Variants in C12orf54 observed in about 807,000 individuals in gnomAD.
C12orf54 encodes the protein uncharacterized protein C12orf54.
In C12orf54, 24 loss-of-function variants were observed where a neutral mutation model predicts 26.4. The observed-to-expected ratio is 0.91, with a 90% CI of 0.66 to 1.28. The LOEUF (loss-of-function observed/expected upper bound fraction) is 1.28, where lower values mean the gene tolerates loss of function less well. C12orf54 is among the 50% of genes most tolerant of loss of function. The probability of loss-of-function intolerance (pLI) is 0.00; values close to 1 mark genes in which losing one functional copy is unlikely to be tolerated. For missense variants in C12orf54, 154 were observed against 150.9 expected (o/e 1.02, Z -0.11); for synonymous variants, 54 against 47.0 (o/e 1.15, Z -0.61).
chr12:48,439,381 AGTC>A, the C12orf54 span, among the ~76,000 whole-genome samples: 2 of 152,206 alleles, frequency 1.3e-5, no homozygotes, highest in Non-Finnish European at 2.9e-5. Context: ...CATTTGACCC[AGTC>A]ATCTCATTAC....
the C12orf54 span, among the ~76,000 whole-genome samples, chr12:48,472,426 G>A: frequency 6.6e-6 from 1 of 152,190 alleles, no homozygotes; most frequent in Non-Finnish European, 1.5e-5. Flanking sequence ...ACATCTATCT[G>A]ATGTAAAATA....
chr12:48,451,739 A>G, the C12orf54 span, among the ~76,000 whole-genome samples: 6 of 152,194 alleles, frequency 3.9e-5, no homozygotes, highest in Non-Finnish European at 8.8e-5. Flanking sequence ...TCCCATTCAC[A>G]ATTGCCATAA....
At chr12:48,457,948 C>T in the C12orf54 span, among the ~76,000 whole-genome samples, 2 of 152,148 alleles carry the variant, frequency 1.3e-5, no homozygotes, top group Non-Finnish European at 2.9e-5. Context: ...GCTTCTCCCT[C>T]CTCTGACAGA....
At chr12:48,477,926 C>A (rs1168424389), upstream of C12orf54, among the ~76,000 whole-genome samples, 1 of 152,180 alleles carries the variant, frequency 6.6e-6, no homozygotes, top group Non-Finnish European at 1.5e-5. Context: ...ATACCAAAGC[C>A]TGGCAGAGAC....
the C12orf54 span, among the ~76,000 whole-genome samples, chr12:48,431,277 C>T: frequency 6.6e-6 from 1 of 151,866 alleles, no homozygotes; most frequent in African/African-American, 2.4e-5. Context: ...CCACCTGTAC[C>T]CTCAATAACC....
upstream of C12orf54, among the ~76,000 whole-genome samples, chr12:48,479,368 G>A (rs940609283): frequency 9.2e-5 from 14 of 152,116 alleles, no homozygotes; most frequent in Non-Finnish European, 1.6e-4. Context: ...GCTGTGTGGT[G>A]GCGGGAGTGG....
chr12:48,470,283 G>A, the C12orf54 span, among the ~76,000 whole-genome samples: 3 of 152,206 alleles, frequency 2.0e-5, no homozygotes, highest in Admixed American at 1.3e-4. Flanking sequence ...GCTTTCCACA[G>A]TGGCTGAACT....
the C12orf54 span, among the ~76,000 whole-genome samples, chr12:48,462,262 C>T: frequency 2.3e-4 from 35 of 151,484 alleles, 1 homozygote; most frequent in Admixed American, 1.2e-3. Flanking sequence ...TAGTTAAAAC[C>T]TTTCTATAAA....
the C12orf54 span, among the ~76,000 whole-genome samples, chr12:48,436,758 G>A: frequency 2.5e-4 from 38 of 152,318 alleles, no homozygotes; most frequent in Non-Finnish European, 4.1e-4. Flanking sequence ...TCAAAACAGT[G>A]TGTAGAGGGA....
At chr12:48,484,258 C>A (rs549805349) in intron 2 of C12orf54, among the ~76,000 whole-genome samples, 1 of 152,298 alleles carries the variant, frequency 6.6e-6, no homozygotes, top group African/African-American at 2.4e-5. Flanking sequence ...CCTGAAAGTG[C>A]TCAGAATGGT....
At chr12:48,422,370 C>A in the C12orf54 span, among the ~76,000 whole-genome samples, 1 of 152,208 alleles carries the variant, frequency 6.6e-6, no homozygotes. Flanking sequence ...TGCTTAAGAA[C>A]CATTTCTTTC....
chr12:48,486,054 C>T lies in C12orf54; in HGVS notation c.66-124C>T. On this transcript the variant is annotated intron_variant, in intron 2 of 8. Coordinates refer to ENST00000548364, the MANE Select transcript of C12orf54 (RefSeq NM_152319.4). ...TATGAGAGGCAGGACCGTGGCTACC[C>T]TTCCTGGATTTTTAGTATAGAAACT... The T allele has an allele frequency of 4.3e-6, 4 of 935,282 alleles. No individual in the cohort carries two copies. The South Asian group carries it at 6.2e-5, about 15-fold the overall frequency. 57.9% of individuals were successfully genotyped at this position (935,282 alleles called of 1,614,324 possible).
chr12:48,471,837 G>A, the C12orf54 span, among the ~76,000 whole-genome samples: 1 of 152,208 alleles, frequency 6.6e-6, no homozygotes. Flanking sequence ...CTATTTTTTG[G>A]TTCCACGTGA....
the C12orf54 span, among the ~76,000 whole-genome samples, chr12:48,462,033 C>T: frequency 2.9e-3 from 438 of 151,584 alleles, 2 homozygotes; most frequent in African/African-American, 9.5e-3. Context: ...GGAGACATGA[C>T]ATTTCCAGTG....
At chr12:48,447,317 T>A in the C12orf54 span, among the ~76,000 whole-genome samples, 1 of 151,976 alleles carries the variant, frequency 6.6e-6, no homozygotes, top group African/African-American at 2.4e-5. Context: ...TATACCTTGA[T>A]CTTGGACTTC....
the C12orf54 span, among the ~76,000 whole-genome samples, chr12:48,434,982 GA>G: frequency 1.6e-3 from 241 of 152,190 alleles, no homozygotes; most frequent in African/African-American, 5.4e-3. Context: ...GAGGAAGTTT[GA>G]ACCAATGGCA....
chr12:48,428,156 G>A, the C12orf54 span, among the ~76,000 whole-genome samples: 3 of 151,940 alleles, frequency 2.0e-5, no homozygotes, highest in African/African-American at 7.3e-5. Context: ...CAAAACCTCT[G>A]GGATATAGCA....
chr12:48,468,325 A>C, the C12orf54 span, among the ~76,000 whole-genome samples: 1 of 152,130 alleles, frequency 6.6e-6, no homozygotes, highest in Non-Finnish European at 1.5e-5. Context: ...GAGGGAAAGG[A>C]AGCTAGTGTG....
At chr12:48,454,121 C>T in the C12orf54 span, among the ~76,000 whole-genome samples, 15 of 117,620 alleles carry the variant, frequency 1.3e-4, no homozygotes, top group Middle Eastern at 7.1e-3. Flanking sequence ...TTTTTTGAGA[C>T]GGAGTCTCAC....
Sources: gnomAD v4.1 joint callset for allele counts (sites outside exome capture counted in the v4.1 genomes callset) on GRCh38, gnomAD v4.1.1 for gene constraint, MANE v1.5 for transcripts, NCBI Gene and HGNC (gene_info 2026-07-23, HGNC 2026-07-21) for gene names.